The following GCSH variants were observed in gnomAD, a reference collection of about 807,000 sequenced individuals.
GCSH encodes the protein glycine cleavage system H protein, mitochondrial.
A neutral mutation model predicts 21.3 loss-of-function variants in GCSH; 15 were observed. The observed-to-expected ratio is 0.70, with a 90% CI of 0.47 to 1.08. The LOEUF is 1.08. Ranked by LOEUF, GCSH falls within the 50% of genes least tolerant of loss-of-function variation. The pLI is 0.00. For synonymous variants in GCSH, 59 were observed against 84.5 expected (o/e 0.70, Z 1.66); for missense variants, 179 against 217.5 (o/e 0.82, Z 1.11).
rs532731242 is a variant in GCSH, at chr16:81,088,698, G to A, written c.229-1034C>T. Reference sequence around the variant, plus strand: ...TTACAGGTGTGAGCCACTGCGCCCGGCAAACACTGCTAGCTCTTCTGGGCA... The same window carrying A: ...TTACAGGTGTGAGCCACTGCGCCCGACAAACACTGCTAGCTCTTCTGGGCA... On this transcript the variant is annotated intron_variant, in intron 2 of 4. Coordinates refer to ENST00000315467, the MANE Select transcript of GCSH (RefSeq NM_004483.5). Among the ~76,000 whole-genome samples, 10 of 152,204 alleles carry A rather than the reference G, an allele frequency of 6.6e-5. No individual in the cohort carries two copies. In the East Asian group the frequency reaches 1.9e-3, roughly 29 times the overall value.
intron 1 of GCSH, among the ~76,000 whole-genome samples, chr16:81,092,083 A>T (rs1972409583): frequency 6.6e-6 from 1 of 152,180 alleles, no homozygotes; most frequent in African/African-American, 2.4e-5. Context: ...ACGTTCAGGT[A>T]AGAAAGTTTA....
At chr16:81,093,477 A>G (rs1165170979) in intron 1 of GCSH, among the ~76,000 whole-genome samples, 3 of 152,098 alleles carry the variant, frequency 2.0e-5, no homozygotes, top group South Asian at 2.1e-4. Flanking sequence ...TAGTGTCTCA[A>G]ACATTTGGGT....
At chr16:81,089,646 C>CAT (rs8177883) in intron 2 of GCSH, among the ~76,000 whole-genome samples, 5,273 of 152,216 alleles carry the variant, frequency 0.035, 240 homozygotes, top group African/African-American at 0.11. Context: ...TTAAGTGACA[C>CAT]GAGTGCATTC....
chr16:81,091,797 A>G (rs1229431388), intron 1 of GCSH, among the ~76,000 whole-genome samples: 1 of 151,890 alleles, frequency 6.6e-6, no homozygotes, highest in African/African-American at 2.4e-5. Context: ...TTTATTTTTT[A>G]TTTTTGTAGA....
At chr16:81,091,358 C>G (rs1972393655) in intron 1 of GCSH, 1 of 299,612 alleles carries the variant, frequency 3.3e-6, no homozygotes, top group African/African-American at 2.3e-5. Flanking sequence ...AGAGCTAAGC[C>G]ATGGGTTGGT....
chr16:81,093,178 G>C (rs1020596834), intron 1 of GCSH, among the ~76,000 whole-genome samples: 1 of 151,704 alleles, frequency 6.6e-6, no homozygotes, highest in East Asian at 1.9e-4. Flanking sequence ...TTTATTAAGA[G>C]GATTCTGAGG....
intron 1 of GCSH, among the ~76,000 whole-genome samples, chr16:81,093,228 T>C (rs1972433505): frequency 1.3e-5 from 2 of 152,166 alleles, no homozygotes; most frequent in African/African-American, 2.4e-5. Flanking sequence ...TAACACTTAA[T>C]TCTCTCACTC....
At chr16:81,085,171 C>T (rs1028373857) in intron 3 of GCSH, among the ~76,000 whole-genome samples, 3 of 151,822 alleles carry the variant, frequency 2.0e-5, no homozygotes, top group East Asian at 1.9e-4. Context: ...CGCACCACCA[C>T]GCCCAGCTAA....
intron 2 of GCSH, among the ~76,000 whole-genome samples, chr16:81,090,389 T>G (rs1317848402): frequency 6.6e-6 from 1 of 152,090 alleles, no homozygotes; most frequent in African/African-American, 2.4e-5. Flanking sequence ...GCTAATTTTT[T>G]TTTTTAACTT....
chr16:81,095,042 G>A (rs544450404), intron 1 of GCSH, among the ~76,000 whole-genome samples: 2 of 151,170 alleles, frequency 1.3e-5, no homozygotes, highest in South Asian at 4.2e-4. Context: ...GCAGTGAGCC[G>A]AGATCACGCC....
At chr16:81,092,578 T>C (rs1555529932) in intron 1 of GCSH, among the ~76,000 whole-genome samples, 2 of 147,504 alleles carry the variant, frequency 1.4e-5, no homozygotes, top group Non-Finnish European at 3.0e-5. Context: ...ACATCTCTAC[T>C]AAAAAAATAC....
intron 2 of GCSH, among the ~76,000 whole-genome samples, chr16:81,090,077 T>C (rs1453429994): frequency 6.6e-6 from 1 of 151,564 alleles, no homozygotes; most frequent in Non-Finnish European, 1.5e-5. Context: ...TCTGGTTGGT[T>C]TTCTTACTTT....
At chr16:81,087,243 T>C (rs1416845420) in intron 3 of GCSH, among the ~76,000 whole-genome samples, 2 of 152,032 alleles carry the variant, frequency 1.3e-5, no homozygotes, top group Non-Finnish European at 2.9e-5. Context: ...GCACTCTAAT[T>C]GGCTGGGCAC....
chr16:81,093,189 A>C (rs1204824035), intron 1 of GCSH, among the ~76,000 whole-genome samples: 6 of 152,130 alleles, frequency 3.9e-5, no homozygotes, highest in Non-Finnish European at 8.8e-5. Flanking sequence ...GATTCTGAGG[A>C]AAATAGATAG....
In GCSH at chr16:81,084,258, C is replaced by T. The variant is rs890327078; in HGVS notation, c.424+205G>A. The stretch of plus-strand genomic sequence containing the variant: ...CCTCCCAAAGTGCTGGGATCACAGG[C>T]GCGAGCCACTGCGCCTAGCCAGAAA... On this transcript the variant is annotated intron_variant, in intron 4 of 4. Transcript: ENST00000315467. The T allele has an allele frequency of 4.0e-5, 25 of 626,866 alleles. No individual in the cohort carries two copies. In the East Asian group the frequency reaches 4.4e-4, roughly 11 times the overall value. 38.8% of individuals were successfully genotyped at this position (626,866 alleles called of 1,614,324 possible).
In GCSH at chr16:81,096,016, C is replaced by G. The variant is rs571881344; in HGVS notation, c.148+115G>C. On this transcript the variant is annotated intron_variant, in intron 1 of 4. Transcript: ENST00000315467. ...ATAAGAAGGGGGCAGGGTCCGCGCT[C>G]GCTCCGCCCCGGTGGCTCAGGAGCG... is the stretch of plus-strand genomic sequence containing the variant. 10 of 897,522 alleles carry G rather than the reference C, an allele frequency of 1.1e-5. No individual in the cohort carries two copies. In the South Asian group the frequency reaches 5.4e-4, roughly 48 times the overall value. 55.6% of individuals were successfully genotyped at this position (897,522 alleles called of 1,614,324 possible).
chr16:81,088,213 C>A (rs1972323550), intron 2 of GCSH, among the ~76,000 whole-genome samples: 1 of 152,058 alleles, frequency 6.6e-6, no homozygotes. Context: ...AGCTTGAGCC[C>A]AGGAGTTTGA....
At chr16:81,089,657 C>T (rs1972357960) in intron 2 of GCSH, among the ~76,000 whole-genome samples, 1 of 152,130 alleles carries the variant, frequency 6.6e-6, no homozygotes. Context: ...GAGTGCATTC[C>T]CATCAGTTAA....
At chr16:81,089,377 C>T (rs1972350512) in intron 2 of GCSH, among the ~76,000 whole-genome samples, 1 of 152,140 alleles carries the variant, frequency 6.6e-6, no homozygotes, top group Non-Finnish European at 1.5e-5. Context: ...TGGAGTATTT[C>T]AGGGATTAGA....
Sources: allele counts gnomAD v4.1 joint callset (sites outside exome capture counted in the v4.1 genomes callset), GRCh38; gene constraint gnomAD v4.1.1; transcripts MANE v1.5; gene names NCBI Gene and HGNC (gene_info 2026-07-23, HGNC 2026-07-21).